Variants in RAB11FIP1 observed in about 807,000 individuals in gnomAD.
RAB11FIP1 encodes RAB11 family interacting protein 1.
RAB11FIP1 carries 49 observed loss-of-function variants against 83.1 expected under a neutral mutation model. That is an observed-to-expected ratio of 0.59 (90% CI 0.47 to 0.75). The LOEUF (loss-of-function observed/expected upper bound fraction) is 0.75, where lower values mean the gene tolerates loss of function less well. RAB11FIP1 is among the 30% of genes least tolerant of loss of function. The pLI, the probability that RAB11FIP1 is intolerant of heterozygous loss-of-function variation, is 0.00. For synonymous variants in RAB11FIP1, 670 were observed against 656.0 expected (o/e 1.02, Z -0.33); for missense variants, 1,536 against 1,598.7 (o/e 0.96, Z 0.67).
chr8:37,871,630 T>G lies in RAB11FIP1; in HGVS notation c.3172A>C (p.Lys1058Gln). Residue 1058 changes from lysine (K) to glutamine (Q), a missense_variant, in exon 4 of 6, where the codon AAG becomes CAG. Lys to Gln is a moderately conservative substitution (Grantham distance 53, BLOSUM62 1). Coordinates refer to ENST00000330843, the MANE Select transcript of RAB11FIP1 (RefSeq NM_001002814.3). ...EFGIHKPHLG[K>Q]SSSLDKQLPG... ...AGCTGTTTATCCAAGCTTGAGCTCT[T>G]GCCAAGATGTGGTTTGTGAATTCCG... 6.2e-7 allele frequency: 1 copy of G among 1,607,264 alleles called. No homozygotes were observed. The highest frequency in any genetic ancestry group is 1.1e-5 in the South Asian group (1 of 90,812).
At chr8:37,869,722 C>T (rs1806411955) in intron 5 of RAB11FIP1, among the ~76,000 whole-genome samples, 1 of 152,144 alleles carries the variant, frequency 6.6e-6, no homozygotes, top group South Asian at 2.1e-4. Flanking sequence ...AAAAATTATG[C>T]ATACACCTGC....
At chr8:37,868,438 G>T (rs112038778) in intron 5 of RAB11FIP1, among the ~76,000 whole-genome samples, 1 of 147,804 alleles carries the variant, frequency 6.8e-6, no homozygotes, top group African/African-American at 2.5e-5. Context: ...AAAAAAAAAA[G>T]AAAAAAAACT....
rs772924635 is a variant in RAB11FIP1, at chr8:37,874,603, C to T, written c.1534G>A (p.Glu512Lys). 11 of 1,614,116 alleles carry T rather than the reference C, an allele frequency of 6.8e-6. No individual in the cohort carries two copies. Among genetic ancestry groups the T allele is most frequent in the Admixed American group, 5.0e-5 (3 of 60,006 alleles). Reference protein sequence around the residue: ...LNLFEDVQITEPEAEPESKSE... With the variant: ...LNLFEDVQITKPEAEPESKSE... Reference sequence around the variant, plus strand: ...TTGGACTCTGGCTCAGCTTCTGGTTCTGTGATCTGCACATCTTCAAAGAGG... The same window carrying T: ...TTGGACTCTGGCTCAGCTTCTGGTTTTGTGATCTGCACATCTTCAAAGAGG... The change falls in exon 3 of 6, where the codon GAA becomes AAA. Residue 512 changes from glutamate to lysine, a missense_variant. By Grantham distance (56) the Glu-to-Lys change is moderately conservative. Coordinates refer to ENST00000330843, the MANE Select transcript of RAB11FIP1 (RefSeq NM_001002814.3).
Position 37,871,984 on chromosome 8 carries a change from C to G in RAB11FIP1, c.2818G>C (p.Asp940His), listed in dbSNP as rs1446839771. ...HEGLLSDPLS[D>H]LQLVSDFKSP... is the part of the protein sequence containing the mutation. ...TTAAAATCTGAGACCAACTGAAGGTCACTCAAGGGGTCAGACAATAAACCT... is the reference window on the plus strand; with the variant it reads ...TTAAAATCTGAGACCAACTGAAGGTGACTCAAGGGGTCAGACAATAAACCT... Residue 940 changes from aspartate (D) to histidine (H), a missense_variant, in exon 4 of 6, where the codon GAC (aspartate) becomes CAC (histidine). Asp to His is a moderately conservative substitution (Grantham distance 81). Transcript: ENST00000330843. 5.6e-6 allele frequency: 9 copies of G among 1,614,062 alleles called. No homozygotes were observed. Among genetic ancestry groups the G allele is most frequent in the African/African-American group, 1.3e-5 (1 of 74,930 alleles).
In RAB11FIP1 at chr8:37,877,288, T is replaced by G. The variant is rs1806636839; in HGVS notation, c.635A>C (p.Lys212Thr). The change falls in exon 2 of 6, where the codon AAA becomes ACA. Residue 212 changes from lysine (K) to threonine (T), a missense_variant. Lys to Thr is a moderately conservative substitution (Grantham distance 78, BLOSUM62 -1). Coordinates refer to ENST00000330843, the MANE Select transcript of RAB11FIP1 (RefSeq NM_001002814.3). ...SDDESVVKDK[K>T]KKSKIKTLLS... is the part of the protein sequence containing the mutation. The stretch of plus-strand genomic sequence containing the variant: ...TAAGGTCTTGATCTTTGATTTCTTT[T>G]TCTTGTCTTTAACCACAGACTCATC... 1.9e-6 allele frequency: 3 copies of G among 1,614,188 alleles called. No individual in the cohort carries two copies. The highest frequency in any genetic ancestry group is 2.5e-6 in the Non-Finnish European group (3 of 1,180,024).
At chr8:37,887,717 C>T (rs906210413) in intron 1 of RAB11FIP1, among the ~76,000 whole-genome samples, 2 of 152,084 alleles carry the variant, frequency 1.3e-5, no homozygotes, top group African/African-American at 4.8e-5. Flanking sequence ...GGAACACCCA[C>T]CTCATAAGAA....
At chr8:37,887,821 T>A (rs528310529) in intron 1 of RAB11FIP1, among the ~76,000 whole-genome samples, 2 of 152,232 alleles carry the variant, frequency 1.3e-5, no homozygotes, top group South Asian at 4.1e-4. Flanking sequence ...GCTGTACATA[T>A]GCAATTTTCT....
chr8:37,891,786 G>A (rs755299741), intron 1 of RAB11FIP1, among the ~76,000 whole-genome samples: 2 of 151,834 alleles, frequency 1.3e-5, no homozygotes, highest in East Asian at 3.9e-4. Flanking sequence ...TATATATTAT[G>A]TTCTCCTTTT....
chr8:37,873,045 G>A lies in RAB11FIP1; in HGVS notation c.1757C>T (p.Thr586Ile). ...VPSELGHGAD[T>I]QSSESPSVFS... ...GACAGAAGGACTCTCAGAGGACTGT[G>A]TGTCTGCACCATGTCCCAATTCAGA... The change falls in exon 4 of 6, where the codon ACA (threonine) becomes ATA (isoleucine). Residue 586 changes from threonine (T) to isoleucine (I), a missense_variant. Transcript: ENST00000330843. 6.2e-7 allele frequency: 1 copy of A among 1,614,182 alleles called. No individual in the cohort carries two copies. The highest frequency in any genetic ancestry group is 8.5e-7 in the Non-Finnish European group (1 of 1,180,034).
intron 3 of RAB11FIP1, among the ~76,000 whole-genome samples, chr8:37,873,612 A>G (rs891458076): frequency 1.3e-5 from 2 of 152,164 alleles, no homozygotes; most frequent in Non-Finnish European, 2.9e-5. Flanking sequence ...TCAAAAAAAA[A>G]AAGGAACACT....
chr8:37,895,250 TATATATATA>T (rs1455231963), intron 1 of RAB11FIP1, among the ~76,000 whole-genome samples: 9 of 15,038 alleles, frequency 6.0e-4, no homozygotes, highest in African/African-American at 1.3e-3. Flanking sequence ...TATATATATA[TATATATATA>T]TTTTTTTTTT....
chr8:37,865,866 C>T (rs1404683122), intron 5 of RAB11FIP1, among the ~76,000 whole-genome samples: 1 of 152,004 alleles, frequency 6.6e-6, no homozygotes, highest in Non-Finnish European at 1.5e-5. Context: ...AATCTTTGGC[C>T]ATATCTCTAA....
At position 37,861,488 on chromosome 8, in the gene RAB11FIP1, C is replaced by T. The variant is rs1482807823; in HGVS notation, c.*1407G>A. 4.8e-6 allele frequency: 2 copies of T among 417,966 alleles called. No homozygotes were observed. Among genetic ancestry groups the T allele is most frequent in the South Asian group, 1.7e-5 (1 of 57,430 alleles). The allele number at this position is 417,966 out of a possible 1,614,324, so 25.9% of individuals were successfully genotyped here. ...AAAGGACAGACATGCAGATGCAGTT[C>T]AATCCCTTTGGGGTCCAATCCATGG... On this transcript the variant is annotated 3_prime_UTR_variant, in exon 6 of 6. Coordinates refer to ENST00000330843, the MANE Select transcript of RAB11FIP1 (RefSeq NM_001002814.3).
intron 3 of RAB11FIP1, among the ~76,000 whole-genome samples, chr8:37,873,517 A>G (rs1342356209): frequency 6.6e-6 from 1 of 152,032 alleles, no homozygotes. Flanking sequence ...GAGGCAGGAG[A>G]ACTGCTTGAA....
chr8:37,890,975 C>T (rs1232074517), intron 1 of RAB11FIP1, among the ~76,000 whole-genome samples: 1 of 152,140 alleles, frequency 6.6e-6, no homozygotes, highest in Non-Finnish European at 1.5e-5. Context: ...GAACCACAAC[C>T]ACTGCCTCCC....
chr8:37,860,324 A>AATAT lies in RAB11FIP1; in HGVS notation c.*2567_*2570dup. On this transcript the variant is annotated 3_prime_UTR_variant, in exon 6 of 6. Transcript: ENST00000330843. ...CAAGTAAAAAACATAATGCAGGACA[A>AATAT]ATATATACATGTACCTTTTCTTTCT... The AATAT allele has an allele frequency of 6.5e-6, 1 of 152,720 alleles. No homozygotes were observed. Among genetic ancestry groups the AATAT allele is most frequent in the South Asian group, 2.1e-4 (1 of 4,824 alleles). 9.5% of individuals were successfully genotyped at this position (152,720 alleles called of 1,614,324 possible).
chr8:37,876,735 A>G (rs1806620710), intron 2 of RAB11FIP1, among the ~76,000 whole-genome samples: 1 of 150,986 alleles, frequency 6.6e-6, no homozygotes, highest in African/African-American at 2.4e-5. Context: ...CTACTTCCTG[A>G]GCTCAAGCAA....
At chr8:37,876,579 T>C in intron 2 of RAB11FIP1, among the ~76,000 whole-genome samples, 1 of 149,406 alleles carries the variant, frequency 6.7e-6, no homozygotes, top group East Asian at 2.1e-4. Context: ...GCGTGGGCAA[T>C]AGAGCAAGAC....
At chr8:37,887,702 G>A (rs1304903406) in intron 1 of RAB11FIP1, among the ~76,000 whole-genome samples, 8 of 152,002 alleles carry the variant, frequency 5.3e-5, no homozygotes, top group Non-Finnish European at 1.2e-4. Context: ...TCTGAAACAG[G>A]GTTAGGAACA....
Sources: allele counts gnomAD v4.1 joint callset (sites outside exome capture counted in the v4.1 genomes callset), GRCh38; gene constraint gnomAD v4.1.1; transcripts MANE v1.5; gene names NCBI Gene and HGNC (gene_info 2026-07-23, HGNC 2026-07-21).